Variants in AKAP13 observed in about 807,000 individuals in gnomAD.
AKAP13 encodes A-kinase anchor protein 13.
Under a neutral mutation model 264.5 loss-of-function variants are expected in AKAP13, and 80 were observed. The observed-to-expected ratio is 0.30, with a 90% CI of 0.25 to 0.36. The LOEUF (loss-of-function observed/expected upper bound fraction) is 0.36. Ranked by LOEUF, AKAP13 falls within the 10% of genes least tolerant of loss-of-function variation. AKAP13 has a pLI of 1.00. For synonymous variants in AKAP13, 1,380 were observed against 1,250.2 expected (o/e 1.10, Z -2.19); for missense variants, 3,712 against 3,435.2 (o/e 1.08, Z -2.01).
intron 4 of AKAP13, among the ~76,000 whole-genome samples, chr15:85,539,647 C>G (rs780638042): frequency 2.6e-5 from 4 of 152,132 alleles, no homozygotes; most frequent in African/African-American, 9.7e-5. Flanking sequence ...CTACTAGGCA[C>G]ATCAACTTTT....
chr15:85,385,631 G>A (rs916968124), intron 1 of AKAP13, among the ~76,000 whole-genome samples: 1 of 152,038 alleles, frequency 6.6e-6, no homozygotes, highest in Non-Finnish European at 1.5e-5. Context: ...GGAATCACAC[G>A]GAATGTAGCC....
intron 2 of AKAP13, among the ~76,000 whole-genome samples, chr15:85,496,619 T>C (rs936603344): frequency 6.6e-6 from 1 of 152,192 alleles, no homozygotes; most frequent in Non-Finnish European, 1.5e-5. Context: ...GTTTTATCGT[T>C]CTTCCTAGGA....
At chr15:85,556,108 C>G (rs76300409) in intron 5 of AKAP13, among the ~76,000 whole-genome samples, 2,508 of 152,264 alleles carry the variant, frequency 0.016, 67 homozygotes, top group African/African-American at 0.058. Context: ...GTGGCCGTTT[C>G]ACTTACAGCT....
intron 8 of AKAP13, among the ~76,000 whole-genome samples, chr15:85,623,662 T>C (rs2081289518): frequency 1.3e-5 from 2 of 152,218 alleles, no homozygotes; most frequent in African/African-American, 4.8e-5. Flanking sequence ...CTCTGAAATA[T>C]TACCTCTATT....
intron 1 of AKAP13, among the ~76,000 whole-genome samples, chr15:85,473,272 A>T (rs922078686): frequency 6.6e-6 from 1 of 152,204 alleles, no homozygotes; most frequent in Non-Finnish European, 1.5e-5. Context: ...AGTAAAGAGT[A>T]GGGATGTAGG....
At chr15:85,700,660 T>C (rs907574061) in intron 17 of AKAP13, among the ~76,000 whole-genome samples, 3 of 152,230 alleles carry the variant, frequency 2.0e-5, no homozygotes, top group Non-Finnish European at 1.5e-5. Context: ...TGAATTTGTG[T>C]ATATTTAAAA....
In AKAP13 at chr15:85,543,861, C is replaced by G; in HGVS notation, c.568C>G (p.Arg190Gly). The change falls in exon 5 of 37, where the codon CGC becomes GGC. Residue 190 changes from arginine (R) to glycine (G), a missense_variant. By Grantham distance (125) the Arg-to-Gly change is moderately radical. This residue lies in a region of AKAP13 where 2,759 missense variants were observed against 2,411.7 expected (regional missense o/e 1.14). Transcript: ENST00000394518. ...GTTCCTGTTGCAGAAGCCAGGTGGCCGCGGAGCTCTCAGTATCCACAACCA... is the reference window on the plus strand; with the variant it reads ...GTTCCTGTTGCAGAAGCCAGGTGGCGGCGGAGCTCTCAGTATCCACAACCA... Reference protein sequence around the residue: ...TWFLLQKPGGRGALSIHNQEG... With the variant: ...TWFLLQKPGGGGALSIHNQEG... The G allele has an allele frequency of 3.1e-6, 5 of 1,614,080 alleles. No homozygotes were observed. Among genetic ancestry groups the G allele is most frequent in the Non-Finnish European group, 4.2e-6 (5 of 1,179,994 alleles).
At chr15:85,717,492 T>C (rs1470050619) in intron 21 of AKAP13, 90 bp downstream of exon 21, 4 of 866,642 alleles carry the variant, frequency 4.6e-6, no homozygotes, top group Non-Finnish European at 7.3e-6. Flanking sequence ...GGAGTGACAG[T>C]ACCTGCCTCT....
At chr15:85,738,906 T>C (rs1300328846) in intron 33 of AKAP13, among the ~76,000 whole-genome samples, 1 of 150,004 alleles carries the variant, frequency 6.7e-6, no homozygotes, top group African/African-American at 2.5e-5. Flanking sequence ...ACATAACATA[T>C]CCGAGTTGTA....
chr15:85,613,138 A>G (rs1257651593), intron 8 of AKAP13, among the ~76,000 whole-genome samples: 5 of 152,192 alleles, frequency 3.3e-5, no homozygotes, highest in Non-Finnish European at 7.3e-5. Flanking sequence ...ATCAAATACA[A>G]CAGTCTTTAG....
In AKAP13 at chr15:85,730,561, A is replaced by C. The variant is rs758421581; in HGVS notation, c.7136A>C (p.Lys2379Thr). 6.2e-7 allele frequency: 1 copy of C among 1,614,172 alleles called. No individual in the cohort carries two copies. The highest frequency in any genetic ancestry group is 1.1e-5 in the South Asian group (1 of 91,082). ...AAAATCCTACTCTTGTTGGAAGAGA[A>C]GGAGATGATTTTCCGGGACATGGCT... The part of the protein sequence containing the change: ...DQKILLLLEE[K>T]EMIFRDMAEC... The change falls in exon 30 of 37, where the codon AAG (lysine) becomes ACG (threonine). Residue 2379 changes from lysine to threonine, a missense_variant. Physicochemically the swap from Lys to Thr is moderately conservative, Grantham distance 78 (BLOSUM62 -1). Coordinates refer to ENST00000394518, the MANE Select transcript of AKAP13 (RefSeq NM_007200.5).
rs143797752 is a variant in AKAP13, at chr15:85,528,336, C to T, written c.182-5248C>T. Among the ~76,000 whole-genome samples, 105 of 152,278 alleles carry T rather than the reference C, an allele frequency of 6.9e-4. 1 individual carries two copies. Among genetic ancestry groups the T allele is most frequent in the African/African-American group, 2.5e-3 (103 of 41,568 alleles). ...TTTTTGTTTATTCTTTCCCTCCTCA[C>T]TTAATTTTTTTAGTTCTATAGTGCC... On this transcript the variant is annotated intron_variant, in intron 3 of 36. Coordinates refer to ENST00000394518, the MANE Select transcript of AKAP13 (RefSeq NM_007200.5).
intron 5 of AKAP13, among the ~76,000 whole-genome samples, chr15:85,561,074 T>C (rs2151262571): frequency 6.6e-6 from 1 of 150,706 alleles, no homozygotes; most frequent in Non-Finnish European, 1.5e-5. Context: ...TTTTTTTTTT[T>C]TTAAGACGGA....
chr15:85,439,876 C>T (rs1044483589), intron 1 of AKAP13, among the ~76,000 whole-genome samples: 30 of 147,544 alleles, frequency 2.0e-4, no homozygotes, highest in African/African-American at 6.3e-4. Context: ...TGCTAGATGA[C>T]GAGTTAGTGG....
chr15:85,598,372 A>T (rs1175805035), intron 8 of AKAP13, among the ~76,000 whole-genome samples: 1 of 152,106 alleles, frequency 6.6e-6, no homozygotes, highest in Non-Finnish European at 1.5e-5. Flanking sequence ...AGGCTCAGGA[A>T]TTTTTTCTCT....
intron 8 of AKAP13, among the ~76,000 whole-genome samples, chr15:85,611,830 T>C (rs905765445): frequency 6.6e-6 from 1 of 152,114 alleles, no homozygotes; most frequent in African/African-American, 2.4e-5. Flanking sequence ...TGCCTGAACG[T>C]AGACACAGGT....
intron 1 of AKAP13, among the ~76,000 whole-genome samples, chr15:85,448,361 A>C (rs2073969417): frequency 6.6e-6 from 1 of 152,120 alleles, no homozygotes; most frequent in Non-Finnish European, 1.5e-5. Flanking sequence ...AGAAGTTCTT[A>C]AGCTTAATTA....
rs146523709 is a variant in AKAP13, at chr15:85,743,834, C to T, written c.8392+9C>T. The T allele has an allele frequency of 2.6e-4, 414 of 1,600,624 alleles. No individual in the cohort carries two copies. The highest frequency in any genetic ancestry group is 1.5e-3 in the Middle Eastern group (8 of 5,304). On this transcript the variant is annotated intron_variant, in intron 36 of 36. Transcript: ENST00000394518. ...CCGCTCTCAGCCCGGTGGTGAGTCACGCACACCTGCTCTCCCTGTGGCCAT... is the reference window on the plus strand; with the variant it reads ...CCGCTCTCAGCCCGGTGGTGAGTCATGCACACCTGCTCTCCCTGTGGCCAT...
intron 2 of AKAP13, among the ~76,000 whole-genome samples, chr15:85,520,461 G>GCACT (rs2151151420): frequency 7.4e-6 from 1 of 135,008 alleles, no homozygotes; most frequent in East Asian, 2.2e-4. Flanking sequence ...TCACGCCACT[G>GCACT]CACTCCAGCC....
Sources: gnomAD v4.1 joint callset for allele counts (sites outside exome capture counted in the v4.1 genomes callset) on GRCh38, gnomAD v4.1.1 for gene constraint, gnomAD v4.1.1 regional missense constraint, MANE v1.5 for transcripts, NCBI Gene and HGNC (gene_info 2026-07-23, HGNC 2026-07-21) for gene names.